XRCC4: variants seen among roughly 807,000 people sequenced by gnomAD.
XRCC4 encodes the protein DNA repair protein XRCC4.
In XRCC4, 28 loss-of-function variants were observed where a neutral mutation model predicts 39.1. That is an observed-to-expected ratio of 0.72 (90% CI 0.53 to 0.98). XRCC4 has a LOEUF of 0.98. Ranked by LOEUF, XRCC4 falls within the 50% of genes least tolerant of loss-of-function variation. The probability of loss-of-function intolerance (pLI) is 0.00; values close to 1 mark genes in which losing one functional copy is unlikely to be tolerated. For missense variants in XRCC4, 350 were observed against 376.4 expected (o/e 0.93, Z 0.58); for synonymous variants, 123 against 126.4 (o/e 0.97, Z 0.18).
chr5:83,231,414 T>C (rs1364927522), intron 6 of XRCC4, among the ~76,000 whole-genome samples: 1 of 152,138 alleles, frequency 6.6e-6, no homozygotes, highest in African/African-American at 2.4e-5. Context: ...CCCAGTGCTG[T>C]GCACACAGTA....
chr5:83,318,233 C>A (rs1345053282), intron 7 of XRCC4, among the ~76,000 whole-genome samples: 1 of 133,732 alleles, frequency 7.5e-6, no homozygotes, highest in Non-Finnish European at 1.5e-5. Flanking sequence ...CTATGACAAA[C>A]CCACAGCCAA....
intron 3 of XRCC4, among the ~76,000 whole-genome samples, chr5:83,172,325 G>A (rs1749765871): frequency 6.6e-6 from 1 of 152,088 alleles, no homozygotes; most frequent in African/African-American, 2.4e-5. Flanking sequence ...TTCCAAACAA[G>A]CCTTCTAACC....
intron 7 of XRCC4, among the ~76,000 whole-genome samples, chr5:83,309,296 A>AGAAAAAAAAATATATATATATAT (rs1318501153): frequency 4.2e-5 from 3 of 72,218 alleles, no homozygotes; most frequent in Non-Finnish European, 6.2e-5. Flanking sequence ...AAAAAAAAAA[A>AGAAAAAAAAATATATATATATAT]ATATATATAT....
intron 4 of XRCC4, 88 bp from the exon 5 acceptor site, chr5:83,203,463 TC>T (rs2112727924): frequency 8.7e-7 from 1 of 1,146,226 alleles, no homozygotes; most frequent in East Asian, 2.8e-5. Flanking sequence ...AATTGTATTT[TC>T]CTTGAAATCT....
At chr5:83,321,235 G>A (rs1207756172) in intron 7 of XRCC4, among the ~76,000 whole-genome samples, 1 of 152,024 alleles carries the variant, frequency 6.6e-6, no homozygotes, top group Non-Finnish European at 1.5e-5. Context: ...TATTGTTTTG[G>A]CATGGAACCA....
intron 3 of XRCC4, among the ~76,000 whole-genome samples, chr5:83,176,383 G>C (rs946331279): frequency 2.4e-4 from 36 of 151,904 alleles, no homozygotes; most frequent in African/African-American, 8.7e-4. Flanking sequence ...GACAGATGAA[G>C]GTGCCACCTC....
At chr5:83,246,331 C>T (rs1002800811) in intron 6 of XRCC4, among the ~76,000 whole-genome samples, 2 of 152,058 alleles carry the variant, frequency 1.3e-5, no homozygotes, top group African/African-American at 2.4e-5. Context: ...ATATTCTCCA[C>T]AGGGACATTT....
chr5:83,330,855 G>GGAA (rs2112165360), intron 7 of XRCC4, among the ~76,000 whole-genome samples: 1 of 152,040 alleles, frequency 6.6e-6, no homozygotes, highest in South Asian at 2.1e-4. Context: ...GAGAGAAAGG[G>GGAA]GAAGACATAG....
Position 83,193,441 on chromosome 5 carries a change from C to T in XRCC4, c.316-2329C>T, listed in dbSNP as rs28360121. 1.6e-4 allele frequency among the ~76,000 whole-genome samples: 25 copies of T among 152,156 alleles called. No homozygotes were observed. In the East Asian group the frequency reaches 4.8e-3, roughly 29 times the overall value. ...AAATAGATATAAAAAAAGTTGTATA[C>T]TTTTAAGAAGAAATGACATTTCATG... On this transcript the variant is annotated intron_variant, in intron 3 of 7. Transcript: ENST00000396027.
intron 6 of XRCC4, among the ~76,000 whole-genome samples, chr5:83,212,350 A>G (rs542029455): frequency 4.6e-5 from 7 of 152,068 alleles, no homozygotes; most frequent in African/African-American, 1.4e-4. Flanking sequence ...AACAGATTCA[A>G]ATTGTCAGAA....
At chr5:83,135,881 A>AT (rs1193510289) in intron 3 of XRCC4, among the ~76,000 whole-genome samples, 1 of 151,126 alleles carries the variant, frequency 6.6e-6, no homozygotes, top group Non-Finnish European at 1.5e-5. Context: ...GTTTTGATAG[A>AT]TTTTTCTGCT....
rs1003859107 is a variant in XRCC4, at chr5:83,310,124, C to T, written c.894-43007C>T. Among the ~76,000 whole-genome samples the T allele has an allele frequency of 7.2e-5, 11 of 152,164 alleles. No homozygotes were observed. In the South Asian group the frequency reaches 1.7e-3, roughly 23 times the overall value. ...ACTGCCCAAGATCTTATATCTTATGCGGTAAAGGCATCTGGCTACAGGATC... is the reference window on the plus strand; with the variant it reads ...ACTGCCCAAGATCTTATATCTTATGTGGTAAAGGCATCTGGCTACAGGATC... On this transcript the variant is annotated intron_variant, in intron 7 of 7. Transcript: ENST00000396027.
chr5:83,196,338 A>C lies in XRCC4; in HGVS notation c.482+402A>C, dbSNP rs55901724. On this transcript the variant is annotated intron_variant, in intron 4 of 7. Coordinates refer to ENST00000396027, the MANE Select transcript of XRCC4 (RefSeq NM_003401.5). ...CATTTGGGCTCAGTGAGTGGCATCTATTTCAAATTACAGTGTTTTGGCTCC... is the reference window on the plus strand; with the variant it reads ...CATTTGGGCTCAGTGAGTGGCATCTCTTTCAAATTACAGTGTTTTGGCTCC... Among the ~76,000 whole-genome samples, 6 of 152,190 alleles carry C rather than the reference A, an allele frequency of 3.9e-5. No individual in the cohort carries two copies. The East Asian group carries it at 9.6e-4, about 24-fold the overall frequency.
intron 7 of XRCC4, among the ~76,000 whole-genome samples, chr5:83,318,241 C>A (rs1755945540): frequency 7.6e-6 from 1 of 130,958 alleles, no homozygotes; most frequent in African/African-American, 3.6e-5. Context: ...AACCCACAGC[C>A]AATATCATAC....
intron 3 of XRCC4, among the ~76,000 whole-genome samples, chr5:83,118,631 T>C (rs1490345686): frequency 1.3e-5 from 2 of 152,222 alleles, no homozygotes; most frequent in Admixed American, 1.3e-4. Flanking sequence ...GATACATTCC[T>C]TTTGCTCACG....
At chr5:83,300,976 A>G (rs901720546) in intron 7 of XRCC4, among the ~76,000 whole-genome samples, 4 of 152,126 alleles carry the variant, frequency 2.6e-5, no homozygotes, top group African/African-American at 9.7e-5. Flanking sequence ...TATCCAGTCT[A>G]TCATTGATGG....
chr5:83,338,670 G>A (rs912974458), intron 7 of XRCC4, among the ~76,000 whole-genome samples: 8 of 152,052 alleles, frequency 5.3e-5, no homozygotes, highest in African/African-American at 1.9e-4. Flanking sequence ...ATGCACTAAT[G>A]GAACCATGTG....
intron 4 of XRCC4, among the ~76,000 whole-genome samples, chr5:83,198,840 G>A (rs1014897641): frequency 6.6e-6 from 1 of 152,078 alleles, no homozygotes; most frequent in African/African-American, 2.4e-5. Flanking sequence ...GGCATCAGTG[G>A]ATTAATTTTG....
At chr5:83,138,569 A>G (rs1001660291) in intron 3 of XRCC4, among the ~76,000 whole-genome samples, 5 of 130,642 alleles carry the variant, frequency 3.8e-5, no homozygotes, top group Admixed American at 3.6e-4. Context: ...AGCAAAACCT[A>G]GCACACAACA....
Sources: gnomAD v4.1 joint callset for allele counts (sites outside exome capture counted in the v4.1 genomes callset) on GRCh38, gnomAD v4.1.1 for gene constraint, MANE v1.5 for transcripts, NCBI Gene and HGNC (gene_info 2026-07-23, HGNC 2026-07-21) for gene names.